Variants in ARL4C observed in about 807,000 individuals in gnomAD.
The protein encoded by ARL4C is ARF like GTPase 4C.
In ARL4C, 5 loss-of-function variants were observed where a neutral mutation model predicts 12.8. The ratio of observed to expected loss-of-function variants is 0.39; its 90% confidence interval spans 0.20 to 0.82. ARL4C has a LOEUF of 0.82. ARL4C is among the 40% of genes least tolerant of loss of function. The probability of loss-of-function intolerance (pLI) is 0.39; values close to 1 mark genes in which losing one functional copy is unlikely to be tolerated. For missense variants in ARL4C, 148 were observed against 265.2 expected, an observed-to-expected ratio of 0.56 and a Z score of 3.07; for synonymous variants, 119 against 119.4, an observed-to-expected ratio of 1.00 and a Z score of 0.02.
chr2:234,496,336 C>A lies in ARL4C; in HGVS notation c.251G>T (p.Arg84Leu). Residue 84 changes from arginine (R) to leucine (L), a missense_variant, in exon 1 of 2, where the codon CGC becomes CTC. By Grantham distance (102) the Arg-to-Leu change is moderately radical. Around this residue, in one of 4 missense-constraint regions of ARL4C, gnomAD observed 51 missense variants for 127.9 expected, o/e 0.40. Transcript: ENST00000339728. ...CACGTAGATGATGCCGTCCGTGCAG[C>A]GGCTGTAGGACTTCCACAGCGGCCG... ...KLRPLWKSYS[R>L]CTDGIIYVVD... The A allele has an allele frequency of 6.2e-7, 1 of 1,613,160 alleles. No homozygotes were observed. Among genetic ancestry groups the A allele is most frequent in the Non-Finnish European group, 8.5e-7 (1 of 1,179,694 alleles).
Position 234,496,077 on chromosome 2 carries a change from C to T in ARL4C, c.510G>A (p.Glu170=). Residue 170 remains glutamate, a synonymous_variant, in exon 1 of 2, where the codon GAG becomes GAA. Coordinates refer to ENST00000339728, the MANE Select transcript of ARL4C (RefSeq NM_001282431.2). ...TCATCTCATAGAGCTTGTCCATGCC[C>T]TCGGTGAGGCCCTCGCCGATGATGG... The part of the protein sequence containing the change: ...ACAIIGEGLT[E]GMDKLYEMIL... 6.2e-7 allele frequency: 1 copy of T among 1,612,752 alleles called. No individual in the cohort carries two copies. The highest frequency in any genetic ancestry group is 1.1e-5 in the South Asian group (1 of 90,838).
rs1315950808 is a variant in ARL4C at position 234,494,913 on chromosome 2, G to A, written c.*893C>T. On this transcript the variant is annotated 3_prime_UTR_variant, in exon 2 of 2. Coordinates refer to ENST00000339728, the MANE Select transcript of ARL4C (RefSeq NM_001282431.2). ...GCAATTCAGCACACACCTGCAGCTG[G>A]TGTGCTCATCCAAACCAATCAGTAG... 6.6e-6 allele frequency: 1 copy of A among 151,088 alleles called. No homozygotes were observed. The highest frequency in any genetic ancestry group is 2.4e-5 in the African/African-American group (1 of 40,996). The allele number at this position is 151,088 out of a possible 1,614,324, so 9.4% of individuals were successfully genotyped here. A position where few individuals can be genotyped will look rare whatever the true frequency, so the allele number is the denominator to read the frequency against.
At chr2:234,495,906 G>A (rs1574657033) in intron 1 of ARL4C, 70 bp from the exon 2 acceptor site, 2 of 1,604,824 alleles carry the variant, frequency 1.2e-6, no homozygotes, top group East Asian at 4.5e-5. Context: ...TTGTTCGCGG[G>A]CGCGGGTTCT....
rs1398941724 is a variant in ARL4C, at chr2:234,495,943, A to ACCATCCAT, written c.575+61_575+68dup. ...GCTCATCCATCCATCCATCCATCCA[A>ACCATCCAT]CCATCCATCCATCCATTCATTCTTT... On this transcript the variant is annotated intron_variant, in intron 1 of 1. Transcript: ENST00000339728. 2.1e-5 allele frequency: 33 copies of ACCATCCAT among 1,608,316 alleles called. No individual in the cohort carries two copies. In the African/African-American group the frequency reaches 4.2e-4, roughly 20 times the overall value.
At chr2:234,495,980 C>T in intron 1 of ARL4C, 32 bp downstream of exon 1, 1 of 1,608,830 alleles carries the variant, frequency 6.2e-7, no homozygotes, top group Non-Finnish European at 8.5e-7. Context: ...TTGACGCACT[C>T]GCTCGCTCCC....
Position 234,496,139 on chromosome 2 carries a change from T to G in ARL4C, c.448A>C (p.Ile150Leu). ...TGGACGTGATAGGTGGTGGCCGGGA[T>G]AAGCTCGTGCAGCGCCAGCTGCTTC... ...IEKQLALHEL[I>L]PATTYHVQPA... is the part of the protein sequence containing the mutation. Residue 150 changes from isoleucine (I) to leucine (L), a missense_variant, in exon 1 of 2, where the codon ATC (isoleucine) becomes CTC (leucine). Transcript: ENST00000339728. 6.2e-7 allele frequency: 1 copy of G among 1,613,818 alleles called. No individual in the cohort carries two copies. Among genetic ancestry groups the G allele is most frequent in the African/African-American group, 1.3e-5 (1 of 75,040 alleles).
At position 234,495,744 on chromosome 2, in the gene ARL4C, G is replaced by C; in HGVS notation, c.*62C>G. 1 of 1,593,400 alleles carries C rather than the reference G, an allele frequency of 6.3e-7. No homozygotes were observed. The highest frequency in any genetic ancestry group is 1.7e-4 in the Middle Eastern group (1 of 6,014). Reference sequence around the variant, plus strand: ...CCCCCCGACCTGGTCAGTAGCTCTGGCGTTCAGACAAAAGGTCCCCTGAGC... The same window carrying C: ...CCCCCCGACCTGGTCAGTAGCTCTGCCGTTCAGACAAAAGGTCCCCTGAGC... On this transcript the variant is annotated 3_prime_UTR_variant, in exon 2 of 2. Coordinates refer to ENST00000339728, the MANE Select transcript of ARL4C (RefSeq NM_001282431.2).
rs552841123 is a variant in ARL4C, at chr2:234,493,828, G to A, written c.*1978C>T. 5 of 152,638 alleles carry A rather than the reference G, an allele frequency of 3.3e-5. No individual in the cohort carries two copies. The South Asian group carries it at 1.0e-3, about 32-fold the overall frequency. 9.5% of individuals were successfully genotyped at this position (152,638 alleles called of 1,614,324 possible). On this transcript the variant is annotated 3_prime_UTR_variant, in exon 2 of 2. Coordinates refer to ENST00000339728, the MANE Select transcript of ARL4C (RefSeq NM_001282431.2). ...ATGGGACCAGCCCATTTAGAAATCA[G>A]TGGATATGCTGTCGATATGTAAACT...
At position 234,496,711 on chromosome 2, in the gene ARL4C, G is replaced by T; in HGVS notation, c.-125C>A. The T allele has an allele frequency of 2.6e-6, 1 of 381,012 alleles. No individual in the cohort carries two copies. The highest frequency in any genetic ancestry group is 3.6e-6 in the Non-Finnish European group (1 of 280,346). 23.6% of individuals were successfully genotyped at this position (381,012 alleles called of 1,614,324 possible). On this transcript the variant is annotated 5_prime_UTR_variant, in exon 1 of 2. Transcript: ENST00000339728. ...CCGCCGCCGCCCGCACCGGCCCCGG[G>T]GCTCGGCGTCCCCGCGGGCGCACGG...
At position 234,494,442 on chromosome 2, in the gene ARL4C, CTTTT is replaced by C. The variant is rs1365019985; in HGVS notation, c.*1360_*1363del. 6.6e-6 allele frequency: 1 copy of C among 152,654 alleles called. No individual in the cohort carries two copies. The highest frequency in any genetic ancestry group is 1.5e-5 in the Non-Finnish European group (1 of 68,042). The allele number at this position is 152,654 out of a possible 1,614,324, so 9.5% of individuals were successfully genotyped here. A position where few individuals can be genotyped will look rare whatever the true frequency, so the allele number is the denominator to read the frequency against. On this transcript the variant is annotated 3_prime_UTR_variant, in exon 2 of 2. Transcript: ENST00000339728. ...ACCAGTGACCATGACGTCACACTTT[CTTTT>C]ATCTCAAGCACTCATTGTTGTTTGC... is the stretch of plus-strand genomic sequence containing the variant.
intron 1 of ARL4C, 81 bp downstream of exon 1, chr2:234,495,931 T>C (rs913808384): frequency 5.6e-6 from 9 of 1,608,438 alleles, no homozygotes; most frequent in Non-Finnish European, 7.6e-6. Context: ...CATCCATCCA[T>C]CCATCCATCC....
rs1322273354 is a variant in ARL4C, at chr2:234,493,944, C to A, written c.*1862G>T. The A allele has an allele frequency of 3.3e-5, 5 of 152,486 alleles. No homozygotes were observed. Among genetic ancestry groups the A allele is most frequent in the African/African-American group, 1.2e-4 (5 of 41,382 alleles). The allele number at this position is 152,486 out of a possible 1,614,324, so 9.4% of individuals were successfully genotyped here. A position where few individuals can be genotyped will look rare whatever the true frequency, so the allele number is the denominator to read the frequency against. On this transcript the variant is annotated 3_prime_UTR_variant, in exon 2 of 2. Coordinates refer to ENST00000339728, the MANE Select transcript of ARL4C (RefSeq NM_001282431.2). ...CAGCATTGGAGGGGTACCAAATACA[C>A]CGACAAAAGAGAAAAAGCAGATGGG...
At position 234,496,319 on chromosome 2, in the gene ARL4C, T is replaced by G. The variant is rs1691782923; in HGVS notation, c.268A>C (p.Ile90Leu). ...ACGTCCACCGAGTCCACCACGTAGATGATGCCGTCCGTGCAGCGGCTGTAG... is the reference window on the plus strand; with the variant it reads ...ACGTCCACCGAGTCCACCACGTAGAGGATGCCGTCCGTGCAGCGGCTGTAG... ...KSYSRCTDGI[I>L]YVVDSVDVDR... The change falls in exon 1 of 2, where the codon ATC becomes CTC. Residue 90 changes from isoleucine to leucine, a missense_variant. Physicochemically the swap from Ile to Leu is conservative, Grantham distance 5. Transcript: ENST00000339728. The G allele has an allele frequency of 6.2e-7, 1 of 1,612,950 alleles. No homozygotes were observed. Among genetic ancestry groups the G allele is most frequent in the Non-Finnish European group, 8.5e-7 (1 of 1,179,624 alleles).
rs1030715935 is a variant in ARL4C, at chr2:234,496,170, C to G, written c.417G>C (p.Glu139Asp). The G allele has an allele frequency of 3.1e-6, 5 of 1,612,434 alleles. No homozygotes were observed. Among genetic ancestry groups the G allele is most frequent in the Non-Finnish European group, 3.4e-6 (4 of 1,179,256 alleles). ...CGTGCAGCGCCAGCTGCTTCTCAATCTCTGCCACCGGCAGCGACTTGGGCA... is the reference window on the plus strand; with the variant it reads ...CGTGCAGCGCCAGCTGCTTCTCAATGTCTGCCACCGGCAGCGACTTGGGCA... ...QDLPKSLPVA[E>D]IEKQLALHEL... The change falls in exon 1 of 2, where the codon GAG becomes GAC. Residue 139 changes from glutamate to aspartate, a missense_variant. Glu to Asp is a conservative substitution (Grantham distance 45). Around this residue, in one of 4 missense-constraint regions of ARL4C, gnomAD observed 42 missense variants for 87.4 expected, o/e 0.48. Coordinates refer to ENST00000339728, the MANE Select transcript of ARL4C (RefSeq NM_001282431.2).
chr2:234,496,176 C>T lies in ARL4C; in HGVS notation c.411G>A (p.Val137=). The T allele has an allele frequency of 6.2e-7, 1 of 1,611,778 alleles. No individual in the cohort carries two copies. Among genetic ancestry groups the T allele is most frequent in the Non-Finnish European group, 8.5e-7 (1 of 1,178,894 alleles). The change falls in exon 1 of 2, where the codon GTG becomes GTA. Residue 137 remains valine, a synonymous_variant. Transcript: ENST00000339728. ...NKQDLPKSLP[V]AEIEKQLALH... ...GCGCCAGCTGCTTCTCAATCTCTGC[C>T]ACCGGCAGCGACTTGGGCAGGTCCT... is the stretch of plus-strand genomic sequence containing the variant.
chr2:234,495,718 G>C lies in ARL4C; in HGVS notation c.*88C>G. 6.5e-7 allele frequency: 1 copy of C among 1,548,130 alleles called. No individual in the cohort carries two copies. The highest frequency in any genetic ancestry group is 8.8e-7 in the Non-Finnish European group (1 of 1,134,790). On this transcript the variant is annotated 3_prime_UTR_variant, in exon 2 of 2. Coordinates refer to ENST00000339728, the MANE Select transcript of ARL4C (RefSeq NM_001282431.2). ...ACCGGCTCTTCCACTCCCCACCGCG[G>C]CCCCCCGACCTGGTCAGTAGCTCTG...
At position 234,496,929 on chromosome 2, in the gene ARL4C, C is replaced by A. The variant is rs1457119304; in HGVS notation, c.-343G>T. ...CGCTCCGGCAGCTGCCCGGGCTCTC[C>A]GCTCTCCCGGCGCCCGGCGCTCGCC... On this transcript the variant is annotated 5_prime_UTR_variant, in exon 1 of 2. Transcript: ENST00000339728. The A allele has an allele frequency of 6.7e-6, 1 of 149,340 alleles. No homozygotes were observed. Among genetic ancestry groups the A allele is most frequent in the Non-Finnish European group, 1.5e-5 (1 of 67,068 alleles). The allele number at this position is 149,340 out of a possible 1,614,324, so 9.3% of individuals were successfully genotyped here. A position where few individuals can be genotyped will look rare whatever the true frequency, so the allele number is the denominator to read the frequency against.
chr2:234,494,036 CT>C lies in ARL4C; in HGVS notation c.*1769del, dbSNP rs1691740666. 2 of 152,436 alleles carry C rather than the reference CT, an allele frequency of 1.3e-5. No homozygotes were observed. Among genetic ancestry groups the C allele is most frequent in the African/African-American group, 2.4e-5 (1 of 41,460 alleles). The allele number at this position is 152,436 out of a possible 1,614,324, so 9.4% of individuals were successfully genotyped here. The stretch of plus-strand genomic sequence containing the variant: ...GGTTTCAAGCAGGAAGCCAGAACTT[CT>C]GCCTCTGGTTCTTAAATTAACATTC... On this transcript the variant is annotated 3_prime_UTR_variant, in exon 2 of 2. Coordinates refer to ENST00000339728, the MANE Select transcript of ARL4C (RefSeq NM_001282431.2).
chr2:234,495,648 C>CGACAACT lies in ARL4C; in HGVS notation c.*151_*157dup, dbSNP rs538366947. ...TGGGAAGAAATCGCTTTTGTCTTTC[C>CGACAACT]GACAACTGAGCCTTCCACCTGGGGC... On this transcript the variant is annotated 3_prime_UTR_variant, in exon 2 of 2. Coordinates refer to ENST00000339728, the MANE Select transcript of ARL4C (RefSeq NM_001282431.2). The CGACAACT allele has an allele frequency of 3.7e-4, 345 of 923,376 alleles. 3 individuals carry two copies. In the South Asian group the frequency reaches 4.9e-3, roughly 13 times the overall value. The allele number at this position is 923,376 out of a possible 1,614,324, so 57.2% of individuals were successfully genotyped here.
Sources: allele counts gnomAD v4.1 joint callset, GRCh38; gene constraint gnomAD v4.1.1; regional missense constraint gnomAD v4.1.1; transcripts MANE v1.5; gene names NCBI Gene and HGNC (gene_info 2026-07-23, HGNC 2026-07-21).